PTH2R: variants seen among roughly 807,000 people sequenced by gnomAD.
PTH2R encodes parathyroid hormone 2 receptor.
Under a neutral mutation model 60.3 loss-of-function variants are expected in PTH2R, and 59 were observed. The ratio of observed to expected loss-of-function variants is 0.98; its 90% CI spans 0.79 to 1.22. The LOEUF is 1.22. Ranked by LOEUF, PTH2R falls within the 50% of genes most tolerant of loss-of-function variation. The pLI, the probability that PTH2R is intolerant of heterozygous loss-of-function variation, is 0.00. For synonymous variants in PTH2R, 256 were observed against 243.8 expected (o/e 1.05, Z -0.47); for missense variants, 749 against 682.6 (o/e 1.10, Z -1.08).
chr2:208,493,722 C>T lies in PTH2R; in HGVS notation c.*63C>T. ...TGGCTGGTTGTGTGAGAGGGCTTGG[C>T]TGATACTCCTATGCTTGAGTTCAAA... On this transcript the variant is annotated 3_prime_UTR_variant, in exon 13 of 13. Coordinates refer to ENST00000272847, the MANE Select transcript of PTH2R (RefSeq NM_005048.4). The T allele has an allele frequency of 1.3e-6, 2 of 1,482,664 alleles. No individual in the cohort carries two copies. The highest frequency in any genetic ancestry group is 9.0e-7 in the Non-Finnish European group (1 of 1,109,060). The allele number at this position is 1,482,664 out of a possible 1,614,324, so 91.8% of individuals were successfully genotyped here. A position where few individuals can be genotyped will look rare whatever the true frequency, so the allele number is the denominator to read the frequency against.
At chr2:208,429,661 T>G (rs1174862671) in intron 2 of PTH2R, among the ~76,000 whole-genome samples, 3 of 152,164 alleles carry the variant, frequency 2.0e-5, no homozygotes, top group African/African-American at 7.2e-5. Flanking sequence ...CATTAAAATT[T>G]TTTTCATTGT....
At chr2:208,468,667 T>C (rs1312545715) in intron 9 of PTH2R, among the ~76,000 whole-genome samples, 2 of 152,216 alleles carry the variant, frequency 1.3e-5, no homozygotes, top group African/African-American at 4.8e-5. Flanking sequence ...GAAATACTAC[T>C]TTTTCTTTGT....
In PTH2R at chr2:208,442,462, G is replaced by A. The variant is rs763500714; in HGVS notation, c.509+1G>A. 1.3e-6 allele frequency: 2 copies of A among 1,594,366 alleles called. No homozygotes were observed. The highest frequency in any genetic ancestry group is 1.1e-5 in the South Asian group (1 of 90,626). On this transcript the variant is annotated splice_donor_variant, in intron 5 of 12. Transcript: ENST00000272847. LOFTEE classifies it high-confidence loss of function. ...CTATTCTCATCATTGGTTACTTCAG[G>A]TGAGTGATGCCCATCACTTTTTCCA...
intron 1 of PTH2R, chr2:208,360,239 TAAG>T: frequency 2.2e-6 from 1 of 447,336 alleles, no homozygotes; most frequent in Admixed American, 2.4e-5. Context: ...CTTGAACAGG[TAAG>T]AAGAGCGCCC....
Position 208,464,794 on chromosome 2 carries a change from G to C in PTH2R, c.981+4833G>C, listed in dbSNP as rs549723598. On this transcript the variant is annotated intron_variant, in intron 9 of 12. Transcript: ENST00000272847. ...TTTGGTAGACATAGGCAGGAGGCTC[G>C]CTTGAGGCCAGGGGTTCAAGACCAG... Among the ~76,000 whole-genome samples the C allele has an allele frequency of 2.6e-5, 4 of 152,080 alleles. No homozygotes were observed. In the East Asian group the frequency reaches 7.7e-4, roughly 29 times the overall value.
intron 10 of PTH2R, among the ~76,000 whole-genome samples, chr2:208,482,058 G>A (rs1301173652): frequency 6.6e-6 from 1 of 152,086 alleles, no homozygotes; most frequent in African/African-American, 2.4e-5. Context: ...ATGTGGATTT[G>A]GCTTTATAAT....
At chr2:208,449,278 T>C (rs1702352091) in intron 7 of PTH2R, among the ~76,000 whole-genome samples, 1 of 152,194 alleles carries the variant, frequency 6.6e-6, no homozygotes, top group Admixed American at 6.5e-5. Flanking sequence ...ATAGCACCAA[T>C]TCATAACCAA....
chr2:208,385,760 T>C (rs1233795085), intron 1 of PTH2R, among the ~76,000 whole-genome samples: 2 of 152,222 alleles, frequency 1.3e-5, no homozygotes, highest in Non-Finnish European at 2.9e-5. Flanking sequence ...TCCCAACTTG[T>C]AAAGGACCTG....
At chr2:208,490,193 T>C (rs1034752887) in intron 11 of PTH2R, among the ~76,000 whole-genome samples, 5 of 152,198 alleles carry the variant, frequency 3.3e-5, no homozygotes, top group African/African-American at 1.2e-4. Context: ...CCTGTCATGC[T>C]GAACAGCTAC....
Position 208,493,561 on chromosome 2 carries a change from A to G in PTH2R, c.1555A>G (p.Arg519Gly), listed in dbSNP as rs1457132642. The change falls in exon 13 of 13, where the codon AGG (arginine) becomes GGG (glycine). Residue 519 changes from arginine to glycine, a missense_variant. Coordinates refer to ENST00000272847, the MANE Select transcript of PTH2R (RefSeq NM_005048.4). Reference protein sequence around the residue: ...FHEETKEDSGRQGDDILMEKP... With the variant: ...FHEETKEDSGGQGDDILMEKP... ...CGAGGAGACCAAGGAAGATAGTGGG[A>G]GGCAGGGAGATGATATTCTAATGGA... The G allele has an allele frequency of 6.2e-7, 1 of 1,613,664 alleles. No individual in the cohort carries two copies. Among genetic ancestry groups the G allele is most frequent in the Non-Finnish European group, 8.5e-7 (1 of 1,179,718 alleles).
In PTH2R at chr2:208,443,642, GAACT is replaced by G. The variant is rs1241802974; in HGVS notation, c.699+112_699+115del. ...TGTTAACTTGCTTTTACTTATCTCT[GAACT>G]AACTAAAATGGATTATCAATTTGTA... is the stretch of plus-strand genomic sequence containing the variant. On this transcript the variant is annotated intron_variant, in intron 6 of 12. Coordinates refer to ENST00000272847, the MANE Select transcript of PTH2R (RefSeq NM_005048.4). 1.4e-5 allele frequency: 13 copies of G among 918,178 alleles called. No individual in the cohort carries two copies. In the South Asian group the frequency reaches 2.0e-4, roughly 14 times the overall value. The allele number at this position is 918,178 out of a possible 1,614,324, so 56.9% of individuals were successfully genotyped here.
At chr2:208,371,871 T>A (rs1157325578) in intron 1 of PTH2R, among the ~76,000 whole-genome samples, 1 of 152,116 alleles carries the variant, frequency 6.6e-6, no homozygotes, top group African/African-American at 2.4e-5. Flanking sequence ...TGTTTCCTTT[T>A]TGGTTCACCA....
At chr2:208,416,538 T>C (rs1701644749) in intron 1 of PTH2R, among the ~76,000 whole-genome samples, 1 of 152,196 alleles carries the variant, frequency 6.6e-6, no homozygotes, top group Non-Finnish European at 1.5e-5. Flanking sequence ...GGTTAAAATG[T>C]TGAAATTAGG....
chr2:208,369,366 C>CTTTTTTTTTTTTTTTTTTTTTTTTTT (rs34110985), intron 1 of PTH2R, among the ~76,000 whole-genome samples: 1 of 135,074 alleles, frequency 7.4e-6, no homozygotes, highest in African/African-American at 2.9e-5. Context: ...ACTGGTCTCT[C>CTTTTTTTTTTTTTTTTTTTTTTTTTT]TCTCTTTTTT....
intron 1 of PTH2R, among the ~76,000 whole-genome samples, chr2:208,385,532 C>G (rs901284877): frequency 6.6e-6 from 1 of 152,188 alleles, no homozygotes; most frequent in Admixed American, 6.5e-5. Flanking sequence ...GCACAAAGAT[C>G]TGTGGTCATC....
intron 2 of PTH2R, among the ~76,000 whole-genome samples, chr2:208,436,891 G>T (rs557558500): frequency 6.6e-6 from 1 of 152,278 alleles, no homozygotes; most frequent in South Asian, 2.1e-4. Flanking sequence ...GAACTGTCCT[G>T]CAGAAAGAAA....
intron 11 of PTH2R, 113 bp from the exon 12 acceptor site, chr2:208,490,526 T>C: frequency 2.3e-6 from 2 of 869,048 alleles, no homozygotes; most frequent in South Asian, 3.5e-5. Flanking sequence ...TGTATATAAT[T>C]CTCTGAAGGA....
At position 208,494,125 on chromosome 2, in the gene PTH2R, A is replaced by T. The variant is rs906998470; in HGVS notation, c.*466A>T. 6.6e-6 allele frequency: 1 copy of T among 152,546 alleles called. No homozygotes were observed. Among genetic ancestry groups the T allele is most frequent in the Admixed American group, 6.5e-5 (1 of 15,294 alleles). 9.4% of individuals were successfully genotyped at this position (152,546 alleles called of 1,614,324 possible). On this transcript the variant is annotated 3_prime_UTR_variant, in exon 13 of 13. Transcript: ENST00000272847. The stretch of plus-strand genomic sequence containing the variant: ...GCATAGGAGCAATTAGGATCTAAAA[A>T]AATATATGGGAAGATAAAAGATCTA...
intron 1 of PTH2R, among the ~76,000 whole-genome samples, chr2:208,398,116 C>T (rs1489352656): frequency 6.6e-6 from 1 of 152,094 alleles, no homozygotes; most frequent in Non-Finnish European, 1.5e-5. Flanking sequence ...TATTAATATT[C>T]TTTAAGCCAC....
Sources: gnomAD v4.1 joint callset for allele counts (sites outside exome capture counted in the v4.1 genomes callset) on GRCh38, gnomAD v4.1.1 for gene constraint, MANE v1.5 for transcripts, NCBI Gene and HGNC (gene_info 2026-07-23, HGNC 2026-07-21) for gene names.